LUZP2: variants seen among roughly 807,000 people sequenced by gnomAD.
LUZP2 encodes the protein leucine zipper protein 2.
A neutral mutation model predicts 51.6 loss-of-function variants in LUZP2; 52 were observed. The ratio of observed to expected loss-of-function variants is 1.01; its 90% CI spans 0.81 to 1.27. The LOEUF is 1.27. LUZP2 is among the 50% of genes most tolerant of loss of function. The pLI, the probability that LUZP2 is intolerant of heterozygous loss-of-function variation, is 0.00. For missense variants in LUZP2, 436 were observed against 395.4 expected, an observed-to-expected ratio of 1.10 and a Z score of -0.87; for synonymous variants, 154 against 137.3, an observed-to-expected ratio of 1.12 and a Z score of -0.85.
At chr11:24,864,640 C>G (rs1193076297) in intron 5 of LUZP2, among the ~76,000 whole-genome samples, 5 of 152,124 alleles carry the variant, frequency 3.3e-5, no homozygotes, top group African/African-American at 1.2e-4. Context: ...CTTTTACATT[C>G]CATGTTAGTG....
intron 1 of LUZP2, among the ~76,000 whole-genome samples, chr11:24,674,718 GTC>G (rs1025132920): frequency 1.3e-5 from 2 of 151,942 alleles, no homozygotes; most frequent in African/African-American, 4.8e-5. Context: ...GAAAAAAAAA[GTC>G]TGTGAGATTT....
chr11:24,568,272 A>G (rs551585343), intron 1 of LUZP2, among the ~76,000 whole-genome samples: 10 of 149,696 alleles, frequency 6.7e-5, no homozygotes, highest in African/African-American at 2.2e-4. Flanking sequence ...AGACATGAGA[A>G]TTGCTTGAAC....
rs1011293314 is a variant in LUZP2 at position 24,951,233 on chromosome 11, CT to C, written c.523-25353del. Among the ~76,000 whole-genome samples, 281 of 151,608 alleles carry C rather than the reference CT, an allele frequency of 1.9e-3. 3 individuals carry two copies. Among genetic ancestry groups the C allele is most frequent in the African/African-American group, 6.4e-3 (265 of 41,464 alleles). On this transcript the variant is annotated intron_variant, in intron 7 of 11. Coordinates refer to ENST00000336930, the MANE Select transcript of LUZP2 (RefSeq NM_001009909.4). ...TTAAAGCAACGTTGGGCCACACAGG[CT>C]TTTTAGCCTTTTCAAGTTTCTCTTG...
At chr11:24,789,479 G>A (rs956120118) in intron 5 of LUZP2, among the ~76,000 whole-genome samples, 1 of 152,044 alleles carries the variant, frequency 6.6e-6, no homozygotes, top group Admixed American at 6.6e-5. Flanking sequence ...GCTCAAGTTG[G>A]TATTATTTTG....
At chr11:24,565,960 A>G (rs1184716847) in intron 1 of LUZP2, among the ~76,000 whole-genome samples, 1 of 152,112 alleles carries the variant, frequency 6.6e-6, no homozygotes, top group Non-Finnish European at 1.5e-5. Flanking sequence ...AAATTGTATT[A>G]ATAGTAGAAT....
At chr11:24,984,170 A>T (rs1856121181) in intron 9 of LUZP2, among the ~76,000 whole-genome samples, 1 of 151,588 alleles carries the variant, frequency 6.6e-6, no homozygotes, top group Admixed American at 6.6e-5. Context: ...CTGACTTCTA[A>T]ATGCAAATCT....
At chr11:24,767,216 G>C (rs547412631) in intron 5 of LUZP2, among the ~76,000 whole-genome samples, 1 of 152,140 alleles carries the variant, frequency 6.6e-6, no homozygotes, top group South Asian at 2.1e-4. Flanking sequence ...TGCAAAATTG[G>C]ACTCATAATT....
chr11:25,062,148 G>T (rs953195651), intron 10 of LUZP2, among the ~76,000 whole-genome samples: 2 of 150,888 alleles, frequency 1.3e-5, no homozygotes, highest in South Asian at 2.1e-4. Flanking sequence ...AGAAAGGAAG[G>T]GAAAAAGGGA....
At chr11:24,987,207 C>T (rs1033003142) in intron 9 of LUZP2, among the ~76,000 whole-genome samples, 9 of 151,746 alleles carry the variant, frequency 5.9e-5, no homozygotes, top group African/African-American at 2.2e-4. Context: ...CATGAAAACA[C>T]CTGAAGAAAA....
intron 1 of LUZP2, among the ~76,000 whole-genome samples, chr11:24,566,888 A>T (rs1395080027): frequency 9.0e-6 from 1 of 110,640 alleles, no homozygotes; most frequent in Non-Finnish European, 1.9e-5. Flanking sequence ...TAACATATAT[A>T]CATATTTATA....
intron 9 of LUZP2, among the ~76,000 whole-genome samples, chr11:25,048,512 T>G (rs976299004): frequency 5.9e-5 from 9 of 152,224 alleles, no homozygotes; most frequent in Non-Finnish European, 1.3e-4. Flanking sequence ...TTTGTCATCT[T>G]TGTATTTACC....
intron 1 of LUZP2, among the ~76,000 whole-genome samples, chr11:24,718,163 G>T (rs1418621418): frequency 2.0e-5 from 3 of 152,158 alleles, no homozygotes. Flanking sequence ...CGGGTTGTGT[G>T]GCCGAACGAT....
At chr11:24,833,818 G>A (rs968085768) in intron 5 of LUZP2, among the ~76,000 whole-genome samples, 1 of 147,090 alleles carries the variant, frequency 6.8e-6, no homozygotes, top group African/African-American at 2.6e-5. Context: ...AGAGGAAAAG[G>A]TTGAATTTAG....
chr11:25,062,892 C>T (rs1002588291), intron 10 of LUZP2, among the ~76,000 whole-genome samples: 1 of 151,536 alleles, frequency 6.6e-6, no homozygotes, highest in Non-Finnish European at 1.5e-5. Context: ...AGTTAATCCG[C>T]ATATTTTTGT....
At chr11:24,881,497 G>A (rs7948869) in intron 5 of LUZP2, among the ~76,000 whole-genome samples, 73,908 of 151,576 alleles carry the variant, frequency 0.49, 18,483 homozygotes, top group East Asian at 0.69. Flanking sequence ...GTTAAGGCTC[G>A]TGACTTTGTC....
intron 1 of LUZP2, among the ~76,000 whole-genome samples, chr11:24,525,021 G>T (rs1466132588): frequency 6.6e-6 from 1 of 151,604 alleles, no homozygotes; most frequent in Admixed American, 6.6e-5. Context: ...AAACATATTT[G>T]CCACTAATGG....
At chr11:25,035,246 AT>A (rs998237750) in intron 9 of LUZP2, among the ~76,000 whole-genome samples, 1 of 152,014 alleles carries the variant, frequency 6.6e-6, no homozygotes, top group Non-Finnish European at 1.5e-5. Flanking sequence ...ATGTCAAACT[AT>A]TTTTCTTTGC....
intron 5 of LUZP2, among the ~76,000 whole-genome samples, chr11:24,860,055 G>A: frequency 6.6e-6 from 1 of 152,164 alleles, no homozygotes; most frequent in Non-Finnish European, 1.5e-5. Flanking sequence ...CCCCGTGCAG[G>A]GGAAGGGCAG....
In LUZP2 at chr11:24,823,695, C is replaced by A. The variant is rs112015261; in HGVS notation, c.396+60387C>A. Reference sequence around the variant, plus strand: ...ACTGACAATATTATTGAGATCGAATCCATAGTTATAATGCAGATATTGAAG... The same window carrying A: ...ACTGACAATATTATTGAGATCGAATACATAGTTATAATGCAGATATTGAAG... On this transcript the variant is annotated intron_variant, in intron 5 of 11. Coordinates refer to ENST00000336930, the MANE Select transcript of LUZP2 (RefSeq NM_001009909.4). Among the ~76,000 whole-genome samples the A allele has an allele frequency of 9.8e-3, 1,496 of 152,054 alleles. 12 individuals are homozygous for A. The highest frequency in any genetic ancestry group is 0.054 in the Middle Eastern group (16 of 294).
Sources: gnomAD v4.1 joint callset for allele counts (sites outside exome capture counted in the v4.1 genomes callset) on GRCh38, gnomAD v4.1.1 for gene constraint, MANE v1.5 for transcripts, NCBI Gene and HGNC (gene_info 2026-07-23, HGNC 2026-07-21) for gene names.